Variants in CNTN1 observed in about 807,000 individuals in gnomAD.
The protein encoded by CNTN1 is contactin-1.
In CNTN1, 38 loss-of-function variants were observed where a neutral mutation model predicts 126.4. That is an observed-to-expected ratio of 0.30 (90% CI 0.23 to 0.39). The LOEUF (loss-of-function observed/expected upper bound fraction) is 0.39. CNTN1 is among the 10% of genes least tolerant of loss of function. CNTN1 has a pLI of 1.00. For synonymous variants in CNTN1, 413 were observed against 422.6 expected (o/e 0.98, Z 0.28); for missense variants, 1,009 against 1,248.4 (o/e 0.81, Z 2.89).
intron 1 of CNTN1, among the ~76,000 whole-genome samples, chr12:40,760,969 A>G (rs1415003678): frequency 1.3e-4 from 20 of 152,164 alleles, no homozygotes; most frequent in Non-Finnish European, 1.5e-5. Flanking sequence ...CCCTTGGAAA[A>G]AAATTACTCT....
chr12:40,835,562 C>A (rs898657144), intron 1 of CNTN1, among the ~76,000 whole-genome samples: 4 of 152,012 alleles, frequency 2.6e-5, no homozygotes, highest in Non-Finnish European at 5.9e-5. Context: ...TAGCCAAAGC[C>A]CATATGCCAT....
Position 40,922,292 on chromosome 12 carries a change from T to G in CNTN1, c.264T>G (p.Ser88Arg). 6.2e-7 allele frequency: 1 copy of G among 1,613,976 alleles called. No homozygotes were observed. The highest frequency in any genetic ancestry group is 2.2e-5 in the East Asian group (1 of 44,870). Residue 88 changes from serine (S) to arginine (R), a missense_variant, in exon 5 of 24, where the codon AGT (serine) becomes AGG (arginine). Coordinates refer to ENST00000551295, the MANE Select transcript of CNTN1 (RefSeq NM_001843.4). ...ATAATGGGGACGTTGATCTCACAAGTGATCGATACAGTATGGTAGGAGGAA... is the reference window on the plus strand; with the variant it reads ...ATAATGGGGACGTTGATCTCACAAGGGATCGATACAGTATGGTAGGAGGAA... ...RMNNGDVDLTSDRYSMVGGNL... is the reference protein window; with the variant it reads ...RMNNGDVDLTRDRYSMVGGNL...
At chr12:40,880,705 C>T (rs979230369) in intron 1 of CNTN1, among the ~76,000 whole-genome samples, 1 of 152,002 alleles carries the variant, frequency 6.6e-6, no homozygotes, top group African/African-American at 2.4e-5. Context: ...TGTATTGATA[C>T]ATACGACTGA....
intron 19 of CNTN1, 29 bp downstream of exon 19, chr12:41,016,945 A>G (rs766166895): frequency 1.3e-6 from 2 of 1,566,802 alleles, no homozygotes; most frequent in Non-Finnish European, 1.8e-6. Context: ...TTCTTACCTG[A>G]GGAGGGAGGA....
intron 6 of CNTN1, among the ~76,000 whole-genome samples, chr12:40,928,477 TA>T (rs1945770675): frequency 6.6e-6 from 1 of 152,036 alleles, no homozygotes; most frequent in Non-Finnish European, 1.5e-5. Context: ...TTCACAGATA[TA>T]AGTGCCTAGA....
chr12:41,070,429 A>T lies in CNTN1; in HGVS notation c.*394A>T. The T allele has an allele frequency of 3.5e-6, 1 of 284,234 alleles. No homozygotes were observed. The highest frequency in any genetic ancestry group is 8.8e-5 in the East Asian group (1 of 11,302). The allele number at this position is 284,234 out of a possible 1,614,324, so 17.6% of individuals were successfully genotyped here. ...TAACAAGTTGTGAAATATAATAGAGATTGAAATGTTGGTTGTATGTGGTAA... is the reference window on the plus strand; with the variant it reads ...TAACAAGTTGTGAAATATAATAGAGTTTGAAATGTTGGTTGTATGTGGTAA... On this transcript the variant is annotated 3_prime_UTR_variant, in exon 24 of 24. Coordinates refer to ENST00000551295, the MANE Select transcript of CNTN1 (RefSeq NM_001843.4).
At chr12:40,712,260 G>T (rs1354415551) in intron 1 of CNTN1, among the ~76,000 whole-genome samples, 1 of 151,932 alleles carries the variant, frequency 6.6e-6, no homozygotes, top group Non-Finnish European at 1.5e-5. Context: ...GTTTGGATTT[G>T]TTTTTCAGCA....
At chr12:40,961,146 G>A (rs1947094890) in intron 15 of CNTN1, among the ~76,000 whole-genome samples, 1 of 151,870 alleles carries the variant, frequency 6.6e-6, no homozygotes, top group Non-Finnish European at 1.5e-5. Context: ...AAATAAAAAC[G>A]TATACAGCAT....
intron 17 of CNTN1, among the ~76,000 whole-genome samples, chr12:41,009,596 G>A (rs1948595056): frequency 6.6e-6 from 1 of 152,198 alleles, no homozygotes; most frequent in African/African-American, 2.4e-5. Flanking sequence ...CAGTGAGATG[G>A]AAGTCCTGAA....
intron 1 of CNTN1, among the ~76,000 whole-genome samples, chr12:40,863,700 T>C (rs2136649898): frequency 6.6e-6 from 1 of 152,222 alleles, no homozygotes. Context: ...GGAACCCTAT[T>C]ATAAACTGTG....
At chr12:41,005,976 T>C (rs1480144237) in intron 17 of CNTN1, among the ~76,000 whole-genome samples, 1 of 152,182 alleles carries the variant, frequency 6.6e-6, no homozygotes, top group African/African-American at 2.4e-5. Flanking sequence ...GATTCCATCA[T>C]TTGGAGGAAA....
chr12:40,930,187 A>G (rs1304357053), intron 7 of CNTN1, among the ~76,000 whole-genome samples, 185 bp downstream of exon 7: 1 of 152,126 alleles, frequency 6.6e-6, no homozygotes, highest in East Asian at 1.9e-4. Context: ...AGATTTAGCT[A>G]ATAAAATTGC....
intron 1 of CNTN1, among the ~76,000 whole-genome samples, chr12:40,801,116 AC>A (rs1940636017): frequency 6.6e-6 from 1 of 151,838 alleles, no homozygotes; most frequent in African/African-American, 2.4e-5. Flanking sequence ...AATAACAAAT[AC>A]CCTTAGCCAA....
At chr12:41,036,553 G>GAAC (rs200209759) in intron 23 of CNTN1, among the ~76,000 whole-genome samples, 1,927 of 152,106 alleles carry the variant, frequency 0.013, 23 homozygotes, top group South Asian at 0.027. Context: ...TAAAATTATA[G>GAAC]AACAAAAGCT....
At chr12:40,800,631 A>G (rs1940609182) in intron 1 of CNTN1, among the ~76,000 whole-genome samples, 1 of 152,012 alleles carries the variant, frequency 6.6e-6, no homozygotes, top group Admixed American at 6.6e-5. Context: ...ACAGACATAG[A>G]TCATACCCTG....
chr12:40,982,381 A>G (rs1239193537), intron 16 of CNTN1, among the ~76,000 whole-genome samples: 2 of 152,182 alleles, frequency 1.3e-5, no homozygotes, highest in Non-Finnish European at 2.9e-5. Flanking sequence ...TAATGAAACT[A>G]TTAGAAATCT....
intron 1 of CNTN1, among the ~76,000 whole-genome samples, chr12:40,707,606 G>A (rs1353397301): frequency 6.6e-6 from 1 of 152,040 alleles, no homozygotes; most frequent in African/African-American, 2.4e-5. Context: ...TAGCCAATCT[G>A]AGCATCCCTT....
intron 1 of CNTN1, among the ~76,000 whole-genome samples, chr12:40,827,404 G>C (rs1374366725): frequency 7.0e-6 from 1 of 142,196 alleles, no homozygotes; most frequent in South Asian, 2.4e-4. Context: ...TTCTAAAAAA[G>C]GTTATTCAAA....
chr12:40,835,708 G>A (rs975341300), intron 1 of CNTN1, among the ~76,000 whole-genome samples: 8 of 151,886 alleles, frequency 5.3e-5, no homozygotes, highest in Non-Finnish European at 8.8e-5. Context: ...CTTTTCAAGT[G>A]AATTTTTTTT....
Sources: allele counts gnomAD v4.1 joint callset (sites outside exome capture counted in the v4.1 genomes callset), GRCh38; gene constraint gnomAD v4.1.1; transcripts MANE v1.5; gene names NCBI Gene and HGNC (gene_info 2026-07-23, HGNC 2026-07-21).